PDE1C: variants seen among roughly 807,000 people sequenced by gnomAD.
PDE1C encodes the protein dual specificity calcium/calmodulin-dependent 3',5'-cyclic nucleotide phosphodiesterase 1C.
In PDE1C, 62 loss-of-function variants were observed where a neutral mutation model predicts 93.1. The observed-to-expected ratio is 0.67, with a 90% CI of 0.54 to 0.82. The LOEUF is 0.82. PDE1C is among the 40% of genes least tolerant of loss of function. The probability of loss-of-function intolerance (pLI) is 0.00; values close to 1 mark genes in which losing one functional copy is unlikely to be tolerated. For missense variants in PDE1C, 742 were observed against 884.6 expected (o/e 0.84, Z 2.04); for synonymous variants, 325 against 310.1 (o/e 1.05, Z -0.50).
rs181674598 is a variant in PDE1C, at chr7:31,962,008, G to C, written c.129-81148C>G. Among the ~76,000 whole-genome samples the C allele has an allele frequency of 6.9e-3, 1,056 of 152,252 alleles. 11 individuals carry two copies. The highest frequency in any genetic ancestry group is 0.024 in the African/African-American group (1,007 of 41,554). On this transcript the variant is annotated intron_variant, in intron 2 of 17. Transcript: ENST00000396191. ...GCTAGTGATCTCTGTAAAATCTAGA[G>C]TAAATGGCAAAAGAAAACTGATGGT...
At chr7:32,071,242 G>A, upstream of PDE1C, 1 of 985,480 alleles carries the variant, frequency 1.0e-6, no homozygotes, top group Non-Finnish European at 1.2e-6. Flanking sequence ...AAGTAGGAGG[G>A]AAGGGAAATC....
intron 17 of PDE1C, among the ~76,000 whole-genome samples, chr7:31,761,763 A>G (rs967313534): frequency 6.6e-6 from 1 of 152,174 alleles, no homozygotes; most frequent in Non-Finnish European, 1.5e-5. Flanking sequence ...TGGAGTTTCA[A>G]AACTACTGTC....
chr7:31,655,820 G>C, the PDE1C span: 1 of 985,492 alleles, frequency 1.0e-6, no homozygotes, highest in Non-Finnish European at 1.2e-6. Flanking sequence ...TGTAGACTCC[G>C]AGCTCTCCTG....
At chr7:31,775,823 G>T in intron 16 of PDE1C, 91 bp from the exon 17 acceptor site, 2 of 1,111,136 alleles carry the variant, frequency 1.8e-6, no homozygotes, top group East Asian at 2.5e-5. Context: ...TATCAAGTTG[G>T]GGTCTGAAAA....
chr7:32,157,956 C>T (rs1452432355), intron 3 of PDE1C, among the ~76,000 whole-genome samples: 1 of 152,190 alleles, frequency 6.6e-6, no homozygotes, highest in Non-Finnish European at 1.5e-5. Context: ...TTATACACTA[C>T]AGCCAGATTG....
chr7:32,349,745 T>C (rs1783922261), intron 1 of PDE1C, among the ~76,000 whole-genome samples: 1 of 152,140 alleles, frequency 6.6e-6, no homozygotes, highest in Non-Finnish European at 1.5e-5. Context: ...TTCTTCTGCC[T>C]GAGCCTCCCA....
chr7:31,835,068 C>T (rs1790889660), intron 11 of PDE1C, among the ~76,000 whole-genome samples: 1 of 151,890 alleles, frequency 6.6e-6, no homozygotes, highest in Admixed American at 6.6e-5. Flanking sequence ...GGTCCTCATT[C>T]TCTCTCTTTG....
intron 2 of PDE1C, among the ~76,000 whole-genome samples, chr7:31,921,397 G>A (rs978183036): frequency 1.3e-5 from 2 of 152,126 alleles, no homozygotes; most frequent in East Asian, 1.9e-4. Flanking sequence ...TAAATGATGC[G>A]ATCCTAAGGT....
At chr7:31,698,281 AT>A in the PDE1C span, among the ~76,000 whole-genome samples, 3 of 152,370 alleles carry the variant, frequency 2.0e-5, no homozygotes, top group East Asian at 5.8e-4. Flanking sequence ...CCCCAGCCAC[AT>A]TAGAGGCTCT....
intron 2 of PDE1C, among the ~76,000 whole-genome samples, chr7:31,965,216 A>G (rs1316537571): frequency 6.6e-6 from 1 of 152,104 alleles, no homozygotes; most frequent in East Asian, 1.9e-4. Flanking sequence ...TTGAAAAAAA[A>G]TTAGATGAAT....
At chr7:32,153,848 T>G (rs547337614) in intron 3 of PDE1C, among the ~76,000 whole-genome samples, 1 of 152,316 alleles carries the variant, frequency 6.6e-6, no homozygotes, top group East Asian at 1.9e-4. Context: ...CGCCTTATTT[T>G]AGGTGGATTC....
chr7:32,179,477 T>A (rs1402022552), intron 2 of PDE1C, among the ~76,000 whole-genome samples: 2 of 152,050 alleles, frequency 1.3e-5, no homozygotes, highest in African/African-American at 4.8e-5. Context: ...GCCAGGCTGG[T>A]CTCAAACTCC....
At chr7:32,401,706 A>T (rs866764624) in intron 1 of PDE1C, among the ~76,000 whole-genome samples, 63 of 152,164 alleles carry the variant, frequency 4.1e-4, no homozygotes, top group African/African-American at 1.5e-3. Flanking sequence ...AGCCTTAGCT[A>T]ATTTTCACAT....
chr7:32,319,920 A>C (rs1043277440), intron 1 of PDE1C, among the ~76,000 whole-genome samples: 2 of 152,174 alleles, frequency 1.3e-5, no homozygotes, highest in African/African-American at 4.8e-5. Context: ...ATAGATAGGT[A>C]AAAATTACTT....
In PDE1C at chr7:31,837,959, G is replaced by A. The variant is rs753659267; in HGVS notation, c.993C>T (p.Thr331=). 1.3e-5 allele frequency: 21 copies of A among 1,610,184 alleles called. No homozygotes were observed. In the South Asian group the frequency reaches 1.9e-4, roughly 14 times the overall value. ...LSKDDWREFR[T]LVIEMVMATD... ...TGGCCATCACCATTTCAATTACCAA[G>A]GTTCGAAACTCCCTTTTAGAGACAA... is the stretch of plus-strand genomic sequence containing the variant. Residue 331 remains threonine, a synonymous_variant, in exon 10 of 18, where the codon ACC becomes ACT. Transcript: ENST00000396191.
At chr7:31,888,318 A>G (rs749862021) in intron 2 of PDE1C, among the ~76,000 whole-genome samples, 1 of 151,718 alleles carries the variant, frequency 6.6e-6, no homozygotes, top group Admixed American at 6.6e-5. Context: ...ATGCACCTCA[A>G]GAAGTTAGAA....
the PDE1C span, among the ~76,000 whole-genome samples, chr7:31,725,580 A>C: frequency 4.3e-4 from 66 of 152,300 alleles, no homozygotes; most frequent in African/African-American, 1.5e-3. Flanking sequence ...ACTGTCCATC[A>C]GGAGTGAGGG....
At chr7:32,186,100 T>G (rs200862253) in intron 2 of PDE1C, among the ~76,000 whole-genome samples, 29,427 of 143,454 alleles carry the variant, frequency 0.21, 3,259 homozygotes, top group African/African-American at 0.33. Context: ...TTTTTTTTTT[T>G]TTTTTTTTTT....
At chr7:31,775,805 T>C in intron 16 of PDE1C, 73 bp from the exon 17 acceptor site, 2 of 1,261,092 alleles carry the variant, frequency 1.6e-6, no homozygotes, top group Non-Finnish European at 1.2e-6. Flanking sequence ...AATGTTCATC[T>C]GAAATGTTAT....
Sources: allele counts gnomAD v4.1 joint callset (sites outside exome capture counted in the v4.1 genomes callset), GRCh38; gene constraint gnomAD v4.1.1; transcripts MANE v1.5; gene names NCBI Gene and HGNC (gene_info 2026-07-23, HGNC 2026-07-21).